ZBTB7C: variants seen among roughly 807,000 people sequenced by gnomAD.
ZBTB7C encodes zinc finger and BTB domain-containing protein 7C.
ZBTB7C carries 8 observed loss-of-function variants against 25.7 expected under a neutral mutation model. The ratio of observed to expected loss-of-function variants is 0.31; its 90% CI spans 0.18 to 0.56. The LOEUF (loss-of-function observed/expected upper bound fraction) is 0.56, where lower values mean the gene tolerates loss of function less well. ZBTB7C is among the 20% of genes least tolerant of loss of function. ZBTB7C has a pLI of 0.91. For synonymous variants in ZBTB7C, 394 were observed against 369.0 expected (o/e 1.07, Z -0.78); for missense variants, 824 against 855.2 (o/e 0.96, Z 0.46).
intron 3 of ZBTB7C, chr18:48,083,809 T>C: frequency 3.0e-6 from 3 of 984,034 alleles, no homozygotes; most frequent in Non-Finnish European, 3.6e-6. Flanking sequence ...GATTATGAGG[T>C]TATAAAGGGC....
At chr18:48,295,446 T>C (rs2045359972) in intron 2 of ZBTB7C, among the ~76,000 whole-genome samples, 2 of 152,176 alleles carry the variant, frequency 1.3e-5, no homozygotes, top group African/African-American at 4.8e-5. Flanking sequence ...CTCTGCGTCA[T>C]GTGAGGAAGG....
At chr18:48,242,059 C>T (rs563485016) in intron 2 of ZBTB7C, among the ~76,000 whole-genome samples, 1 of 152,124 alleles carries the variant, frequency 6.6e-6, no homozygotes, top group Admixed American at 6.5e-5. Context: ...ATTTGAGGCT[C>T]CTATGAATAT....
chr18:48,269,259 C>T (rs543057485), intron 2 of ZBTB7C, among the ~76,000 whole-genome samples: 5 of 152,170 alleles, frequency 3.3e-5, no homozygotes, highest in Non-Finnish European at 5.9e-5. Flanking sequence ...CCGCCATGCC[C>T]GGCCTGCTCT....
chr18:48,183,752 C>T (rs1204617494), intron 3 of ZBTB7C, among the ~76,000 whole-genome samples: 9 of 152,168 alleles, frequency 5.9e-5, no homozygotes, highest in African/African-American at 1.9e-4. Flanking sequence ...GAGGTGATGC[C>T]TTGGAAGCTG....
intron 1 of ZBTB7C, among the ~76,000 whole-genome samples, chr18:48,398,838 C>T (rs1388382822): frequency 6.6e-6 from 1 of 152,134 alleles, no homozygotes; most frequent in Non-Finnish European, 1.5e-5. Flanking sequence ...GAAGTTCAAC[C>T]AAAAATTATT....
At chr18:48,140,875 T>C (rs2040321119) in intron 3 of ZBTB7C, among the ~76,000 whole-genome samples, 2 of 152,104 alleles carry the variant, frequency 1.3e-5, no homozygotes, top group Non-Finnish European at 2.9e-5. Flanking sequence ...TCCTGCCACC[T>C]CTGCCACTGC....
At chr18:48,172,817 G>A (rs554344788) in intron 3 of ZBTB7C, among the ~76,000 whole-genome samples, 1 of 152,262 alleles carries the variant, frequency 6.6e-6, no homozygotes, top group South Asian at 2.1e-4. Flanking sequence ...CGCTTTTTCT[G>A]TTTTCAGGGT....
intron 3 of ZBTB7C, chr18:48,148,264 C>T (rs2040560906): frequency 6.6e-6 from 1 of 151,940 alleles, no homozygotes; most frequent in Non-Finnish European, 1.5e-5. Context: ...CTGCCTCAGC[C>T]TCCCAAAGTG....
At chr18:48,088,599 G>A (rs2038284902) in intron 3 of ZBTB7C, among the ~76,000 whole-genome samples, 1 of 152,126 alleles carries the variant, frequency 6.6e-6, no homozygotes, top group Non-Finnish European at 1.5e-5. Context: ...AGGCTAAGGT[G>A]GGTGGATCAC....
chr18:48,150,350 G>A (rs1387976578), intron 3 of ZBTB7C: 1 of 152,076 alleles, frequency 6.6e-6, no homozygotes, highest in Non-Finnish European at 1.5e-5. Flanking sequence ...GGGAGACCGA[G>A]GTGGGCAAAT....
chr18:48,173,997 C>T (rs1332420966), intron 3 of ZBTB7C, among the ~76,000 whole-genome samples: 1 of 152,234 alleles, frequency 6.6e-6, no homozygotes, highest in Non-Finnish European at 1.5e-5. Context: ...AATTCCAATT[C>T]ATCTTTTAGA....
chr18:48,346,115 T>C (rs11661623), intron 1 of ZBTB7C, among the ~76,000 whole-genome samples: 14,668 of 152,296 alleles, frequency 0.096, 853 homozygotes, highest in Non-Finnish European at 0.13. Context: ...TACATGCTTC[T>C]CTTCCTCACC....
At chr18:48,348,585 G>T (rs1279449981) in intron 1 of ZBTB7C, among the ~76,000 whole-genome samples, 1 of 152,244 alleles carries the variant, frequency 6.6e-6, no homozygotes, top group African/African-American at 2.4e-5. Context: ...GGGAGGCCAA[G>T]GTGGGAGGGT....
chr18:48,262,737 G>A (rs1408985099), intron 2 of ZBTB7C, among the ~76,000 whole-genome samples: 3 of 152,122 alleles, frequency 2.0e-5, no homozygotes, highest in Non-Finnish European at 2.9e-5. Context: ...CTGCATGTCC[G>A]TGTCACTCCA....
At chr18:48,284,812 CAG>C (rs778352743) in intron 2 of ZBTB7C, among the ~76,000 whole-genome samples, 23 of 109,074 alleles carry the variant, frequency 2.1e-4, no homozygotes, top group Admixed American at 4.5e-4. Flanking sequence ...AAAAAAAAAA[CAG>C]AGAGAGAGAG....
At chr18:48,247,710 G>T (rs752327217) in intron 2 of ZBTB7C, among the ~76,000 whole-genome samples, 4 of 152,126 alleles carry the variant, frequency 2.6e-5, no homozygotes, top group Non-Finnish European at 5.9e-5. Context: ...CATGTCAAGG[G>T]AGAGACCAGG....
At chr18:48,372,395 T>A (rs1287851991) in intron 1 of ZBTB7C, among the ~76,000 whole-genome samples, 1 of 152,226 alleles carries the variant, frequency 6.6e-6, no homozygotes, top group Admixed American at 6.5e-5. Context: ...GGCAGGGCCA[T>A]GTGACCAGTT....
At chr18:48,199,335 T>C (rs891620333) in intron 2 of ZBTB7C, among the ~76,000 whole-genome samples, 2 of 152,194 alleles carry the variant, frequency 1.3e-5, no homozygotes, top group Non-Finnish European at 2.9e-5. Context: ...TTTCCTTAAT[T>C]TTTTCAAATC....
intron 2 of ZBTB7C, among the ~76,000 whole-genome samples, chr18:48,186,899 ATTT>A (rs1327791659): frequency 6.6e-6 from 1 of 152,232 alleles, no homozygotes; most frequent in African/African-American, 2.4e-5. Context: ...GGCACAAAGC[ATTT>A]GCTACCTCAG....
Sources: allele counts gnomAD v4.1 joint callset (sites outside exome capture counted in the v4.1 genomes callset), GRCh38; gene constraint gnomAD v4.1.1; transcripts MANE v1.5; gene names NCBI Gene and HGNC (gene_info 2026-07-23, HGNC 2026-07-21).